Variants in PDE1C observed in about 807,000 individuals in gnomAD.
PDE1C encodes the protein dual specificity calcium/calmodulin-dependent 3',5'-cyclic nucleotide phosphodiesterase 1C.
PDE1C carries 62 observed loss-of-function variants against 93.1 expected under a neutral mutation model. That is an observed-to-expected ratio of 0.67 (90% CI 0.54 to 0.82). The LOEUF (loss-of-function observed/expected upper bound fraction) is 0.82. Among genes scored for constraint, PDE1C ranks in the 40% least tolerant of loss-of-function variants. PDE1C has a pLI of 0.00. For synonymous variants in PDE1C, 325 were observed against 310.1 expected, an observed-to-expected ratio of 1.05 and a Z score of -0.50; for missense variants, 742 against 884.6, an observed-to-expected ratio of 0.84 and a Z score of 2.04.
At chr7:32,312,109 T>C (rs1324545088) in intron 1 of PDE1C, among the ~76,000 whole-genome samples, 8 of 149,548 alleles carry the variant, frequency 5.3e-5, no homozygotes, top group East Asian at 3.9e-4. Context: ...TATACACCAA[T>C]AACAGACAAA....
At chr7:31,826,824 A>G (rs188323102) in intron 12 of PDE1C, among the ~76,000 whole-genome samples, 119 of 152,318 alleles carry the variant, frequency 7.8e-4, no homozygotes, top group African/African-American at 2.8e-3. Flanking sequence ...AAAACAGGGT[A>G]GGCAAACTTT....
intron 1 of PDE1C, among the ~76,000 whole-genome samples, chr7:32,359,767 G>A (rs1472730496): frequency 2.0e-5 from 3 of 152,072 alleles, no homozygotes; most frequent in African/African-American, 7.2e-5. Context: ...TTTCCTCACT[G>A]TTCCCAGCAC....
At chr7:32,146,857 C>T (rs1800868131) in intron 3 of PDE1C, among the ~76,000 whole-genome samples, 1 of 151,660 alleles carries the variant, frequency 6.6e-6, no homozygotes, top group South Asian at 2.1e-4. Context: ...GATTCATAAC[C>T]AAGGGATAAG....
At chr7:31,814,829 C>T (rs969699189) in intron 15 of PDE1C, among the ~76,000 whole-genome samples, 8 of 151,344 alleles carry the variant, frequency 5.3e-5, no homozygotes, top group African/African-American at 1.9e-4. Flanking sequence ...TGTGTAGAAA[C>T]AGTAGAAGGT....
intron 1 of PDE1C, among the ~76,000 whole-genome samples, chr7:32,298,171 G>A (rs1812746827): frequency 6.6e-6 from 1 of 151,212 alleles, no homozygotes; most frequent in African/African-American, 2.4e-5. Context: ...CTTGACGTCC[G>A]CCTCTATCTC....
chr7:32,177,135 GA>G (rs997750047), intron 2 of PDE1C, among the ~76,000 whole-genome samples: 4 of 152,208 alleles, frequency 2.6e-5, no homozygotes, highest in African/African-American at 4.8e-5. Flanking sequence ...CGTGTGCGGA[GA>G]AAAAAGGCCT....
At chr7:32,262,770 C>A (rs1018339892) in intron 1 of PDE1C, among the ~76,000 whole-genome samples, 1 of 152,150 alleles carries the variant, frequency 6.6e-6, no homozygotes, top group Non-Finnish European at 1.5e-5. Flanking sequence ...TTTCTGACAA[C>A]TTTTGGGGAT....
chr7:32,026,234 T>C (rs1347713020), intron 2 of PDE1C, among the ~76,000 whole-genome samples: 2 of 152,056 alleles, frequency 1.3e-5, no homozygotes, highest in Non-Finnish European at 1.5e-5. Context: ...TCCCACTTCT[T>C]TGGTTGCCAG....
chr7:32,407,968 T>C, intron 1 of PDE1C, among the ~76,000 whole-genome samples: 1 of 152,168 alleles, frequency 6.6e-6, no homozygotes, highest in South Asian at 2.1e-4. Flanking sequence ...CCACTGTTTC[T>C]GGGGTTCACT....
intron 3 of PDE1C, among the ~76,000 whole-genome samples, chr7:32,160,663 G>A (rs1317630636): frequency 6.6e-6 from 1 of 152,074 alleles, no homozygotes; most frequent in Non-Finnish European, 1.5e-5. Flanking sequence ...CCAACATGGT[G>A]AAACCCCATC....
At chr7:32,026,073 CAT>C (rs1458233355) in intron 2 of PDE1C, among the ~76,000 whole-genome samples, 81 of 143,178 alleles carry the variant, frequency 5.7e-4, no homozygotes, top group African/African-American at 2.2e-3. Flanking sequence ...CATGCACACA[CAT>C]ACACACATAC....
chr7:32,242,330 T>C (rs1408751442), intron 1 of PDE1C, among the ~76,000 whole-genome samples: 1 of 152,106 alleles, frequency 6.6e-6, no homozygotes, highest in Non-Finnish European at 1.5e-5. Flanking sequence ...TTGTTGAAGG[T>C]GGGCATCTAG....
rs146487513 is a variant in PDE1C, at chr7:32,046,951, G to A, written c.128+4603C>T. ...CCAGACACATGAAAATTGAACGTGTGTCTGTAGAACTCCCTCAGGTTTGTG... is the reference window on the plus strand; with the variant it reads ...CCAGACACATGAAAATTGAACGTGTATCTGTAGAACTCCCTCAGGTTTGTG... On this transcript the variant is annotated intron_variant, in intron 2 of 17. Transcript: ENST00000396191. Among the ~76,000 whole-genome samples, 961 of 152,118 alleles carry A rather than the reference G, an allele frequency of 6.3e-3. 7 individuals are homozygous for A. Among genetic ancestry groups the A allele is most frequent in the African/African-American group, 0.022 (920 of 41,474 alleles).
At chr7:32,310,620 A>C (rs538352702) in intron 1 of PDE1C, among the ~76,000 whole-genome samples, 2 of 152,236 alleles carry the variant, frequency 1.3e-5, no homozygotes, top group Admixed American at 1.3e-4. Context: ...GCTCAACTAC[A>C]TGGAAACTGA....
chr7:32,223,633 A>G (rs55774540), intron 1 of PDE1C, among the ~76,000 whole-genome samples: 1 of 152,184 alleles, frequency 6.6e-6, no homozygotes, highest in Non-Finnish European at 1.5e-5. Context: ...ATGTGCTTAC[A>G]TATTTCTCCA....
At chr7:31,880,933 A>G in intron 2 of PDE1C, 73 bp from the exon 3 acceptor site, 3 of 930,664 alleles carry the variant, frequency 3.2e-6, no homozygotes, top group Admixed American at 1.9e-5. Context: ...ATGGTGATAC[A>G]TTTTACAGTC....
At chr7:32,051,518 G>A in intron 2 of PDE1C, 36 bp downstream of exon 2, 2 of 1,608,904 alleles carry the variant, frequency 1.2e-6, no homozygotes, top group Admixed American at 1.7e-5. Context: ...GGCCACAAAT[G>A]AATCAACCAG....
intron 2 of PDE1C, among the ~76,000 whole-genome samples, chr7:31,888,449 C>G (rs2128894577): frequency 6.6e-6 from 1 of 151,268 alleles, no homozygotes; most frequent in Non-Finnish European, 1.5e-5. Context: ...CTTTGAAATG[C>G]TTAATAAAAT....
intron 2 of PDE1C, among the ~76,000 whole-genome samples, chr7:32,186,087 G>GTTTTTTTTTTTTTTTTTT (rs10561469): frequency 7.8e-6 from 1 of 128,570 alleles, no homozygotes; most frequent in Non-Finnish European, 1.7e-5. Context: ...TTGTTTTTTT[G>GTTTTTTTTTTTTTTTTTT]TTTTTTTTTT....
Sources: allele counts gnomAD v4.1 joint callset (sites outside exome capture counted in the v4.1 genomes callset), GRCh38; gene constraint gnomAD v4.1.1; transcripts MANE v1.5; gene names NCBI Gene and HGNC (gene_info 2026-07-23, HGNC 2026-07-21).